The following ZNF280D variants were observed in gnomAD, a reference collection of about 807,000 sequenced individuals.
ZNF280D encodes suppressor of hairy wing homolog 4.
ZNF280D carries 39 observed loss-of-function variants against 94.7 expected under a neutral mutation model. The observed-to-expected ratio is 0.41, with a 90% CI of 0.32 to 0.54. The LOEUF (loss-of-function observed/expected upper bound fraction) is 0.54. ZNF280D is among the 20% of genes least tolerant of loss of function. The probability of loss-of-function intolerance (pLI) is 0.22; values close to 1 mark genes in which losing one functional copy is unlikely to be tolerated. For missense variants in ZNF280D, 1,090 were observed against 1,149.3 expected (o/e 0.95, Z 0.75); for synonymous variants, 398 against 377.6 (o/e 1.05, Z -0.63).
At chr15:56,648,845 T>G (rs531249055) in intron 19 of ZNF280D, among the ~76,000 whole-genome samples, 2 of 152,242 alleles carry the variant, frequency 1.3e-5, no homozygotes, top group Non-Finnish European at 2.9e-5. Flanking sequence ...ACAACAAATT[T>G]AGTATACCAT....
chr15:56,689,785 A>T lies in ZNF280D; in HGVS notation c.500-315T>A, dbSNP rs55920980. On this transcript the variant is annotated intron_variant, in intron 7 of 21. Coordinates refer to ENST00000267807, the MANE Select transcript of ZNF280D (RefSeq NM_017661.4). The stretch of plus-strand genomic sequence containing the variant: ...CAGACCAATATTCCAAGCCAAAAAA[A>T]AAAGTATACTATGAATAAGTTCTGA... Among the ~76,000 whole-genome samples the T allele has an allele frequency of 3.1e-3, 474 of 152,278 alleles. 4 individuals carry two copies. The highest frequency in any genetic ancestry group is 0.011 in the African/African-American group (450 of 41,584).
chr15:56,706,570 G>A (rs1340025280), intron 3 of ZNF280D, among the ~76,000 whole-genome samples: 1 of 152,038 alleles, frequency 6.6e-6, no homozygotes, highest in Non-Finnish European at 1.5e-5. Flanking sequence ...GCCCCCAGAA[G>A]AAATCAATCC....
chr15:56,653,519 G>A, intron 19 of ZNF280D: 1 of 1,520,524 alleles, frequency 6.6e-7, no homozygotes, highest in South Asian at 1.2e-5. Context: ...GAGAGAACAG[G>A]CATCAGTTGT....
intron 16 of ZNF280D, among the ~76,000 whole-genome samples, chr15:56,661,848 C>T (rs1218665468): frequency 6.6e-6 from 1 of 152,108 alleles, no homozygotes; most frequent in African/African-American, 2.4e-5. Flanking sequence ...TGTTATTAAG[C>T]ACTTTAATAC....
chr15:56,733,386 G>A (rs1257407753), intron 1 of ZNF280D, 72 bp downstream of exon 1: 2 of 913,064 alleles, frequency 2.2e-6, no homozygotes, highest in Non-Finnish European at 2.6e-6. Flanking sequence ...CCCGGAGTGA[G>A]GCGGCGCAGG....
rs367979978 is a variant in ZNF280D at position 56,631,728 on chromosome 15, C to G, written c.2710G>C (p.Glu904Gln). The part of the protein sequence containing the change: ...DQFLRKRHEP[E>Q]SVSSDVSEQG... ...TCGCTAACATCAGAACTAACAGATT[C>G]AGGTTCATGTCTTTTTCTCAAAAAC... Residue 904 changes from glutamate (E) to glutamine (Q), a missense_variant, in exon 22 of 22, where the codon GAA (glutamate) becomes CAA (glutamine). Coordinates refer to ENST00000267807, the MANE Select transcript of ZNF280D (RefSeq NM_017661.4). The G allele has an allele frequency of 1.3e-5, 21 of 1,614,036 alleles. 1 individual carries two copies. In the South Asian group the frequency reaches 2.2e-4, roughly 17 times the overall value.
chr15:56,639,069 T>A (rs2140525293), intron 20 of ZNF280D, among the ~76,000 whole-genome samples: 2 of 152,132 alleles, frequency 1.3e-5, no homozygotes, highest in African/African-American at 4.8e-5. Context: ...ATACAATATT[T>A]AATATCTCCA....
intron 14 of ZNF280D, among the ~76,000 whole-genome samples, chr15:56,667,495 T>G (rs1275614649): frequency 6.6e-6 from 1 of 152,206 alleles, no homozygotes; most frequent in African/African-American, 2.4e-5. Flanking sequence ...CATCAATTTA[T>G]TATACTGCAT....
chr15:56,721,688 G>C (rs1464708620), intron 1 of ZNF280D, among the ~76,000 whole-genome samples: 6 of 152,186 alleles, frequency 3.9e-5, no homozygotes, highest in Non-Finnish European at 8.8e-5. Flanking sequence ...AGCCTTCATA[G>C]ATCTGAAGAG....
chr15:56,680,947 G>C (rs770194523), intron 10 of ZNF280D, among the ~76,000 whole-genome samples: 3 of 152,190 alleles, frequency 2.0e-5, no homozygotes, highest in Admixed American at 6.5e-5. Context: ...CATGACATCA[G>C]AAATAGGTGG....
intron 6 of ZNF280D, among the ~76,000 whole-genome samples, chr15:56,693,683 A>G (rs569841655): frequency 6.6e-6 from 1 of 152,280 alleles, no homozygotes; most frequent in East Asian, 1.9e-4. Context: ...CCATATTTAC[A>G]TGACCAAAAA....
chr15:56,658,771 A>G (rs947422994), intron 16 of ZNF280D, among the ~76,000 whole-genome samples: 10 of 152,192 alleles, frequency 6.6e-5, no homozygotes, highest in African/African-American at 2.4e-4. Context: ...AGAAAATGTA[A>G]AGAACATCAA....
chr15:56,634,806 A>G (rs2140498903), intron 21 of ZNF280D, among the ~76,000 whole-genome samples: 1 of 152,230 alleles, frequency 6.6e-6, no homozygotes, highest in East Asian at 1.9e-4. Flanking sequence ...GTAGTCTTAT[A>G]GCTTTTTGAA....
chr15:56,726,034 G>A (rs2058616253), intron 1 of ZNF280D, among the ~76,000 whole-genome samples: 1 of 152,126 alleles, frequency 6.6e-6, no homozygotes, highest in Non-Finnish European at 1.5e-5. Context: ...TTGGCCTGAT[G>A]TGCCAGGGTT....
Position 56,668,866 on chromosome 15 carries a change from A to G in ZNF280D, c.1502T>C (p.Phe501Ser). The G allele has an allele frequency of 6.2e-7, 1 of 1,610,790 alleles. No individual in the cohort carries two copies. The change falls in exon 14 of 22, where the codon TTT (phenylalanine) becomes TCT (serine). Residue 501 changes from phenylalanine to serine, a missense_variant. Coordinates refer to ENST00000267807, the MANE Select transcript of ZNF280D (RefSeq NM_017661.4). ...MDHKTQHHRTFIKPKQLEGLP... is the reference protein window; with the variant it reads ...MDHKTQHHRTSIKPKQLEGLP... ...TCCTTCTAGTTGTTTAGGTTTTATA[A>G]ATGTTCGATGGTGTTGAGTCTTATG...
chr15:56,691,588 C>G (rs1269229620), intron 7 of ZNF280D, among the ~76,000 whole-genome samples: 1 of 152,108 alleles, frequency 6.6e-6, no homozygotes, highest in Non-Finnish European at 1.5e-5. Flanking sequence ...GCTCCCTACC[C>G]TCAACAGCTC....
At chr15:56,714,770 C>T (rs1049434108) in intron 1 of ZNF280D, among the ~76,000 whole-genome samples, 1 of 152,142 alleles carries the variant, frequency 6.6e-6, no homozygotes. Flanking sequence ...GAAGCCAAAA[C>T]AATTCTCCAA....
rs372028885 is a variant in ZNF280D, at chr15:56,641,240, T to G, written c.2259+1712A>C. The stretch of plus-strand genomic sequence containing the variant: ...ATACACTTTCAAAATTACCTTCAAT[T>G]GTTGTAAGCAAAGGGATAGGCCTTT... On this transcript the variant is annotated intron_variant, in intron 20 of 21. Transcript: ENST00000267807. Among the ~76,000 whole-genome samples the G allele has an allele frequency of 3.5e-4, 53 of 152,106 alleles. No homozygotes were observed. The South Asian group carries it at 9.1e-3, about 26-fold the overall frequency.
At chr15:56,643,141 CTG>C in intron 19 of ZNF280D, 144 bp from the exon 20 acceptor site, 1 of 469,994 alleles carries the variant, frequency 2.1e-6, no homozygotes, top group Non-Finnish European at 3.6e-6. Flanking sequence ...AAATTGACCT[CTG>C]TAAATGTTTT....
Sources: gnomAD v4.1 joint callset for allele counts (sites outside exome capture counted in the v4.1 genomes callset) on GRCh38, gnomAD v4.1.1 for gene constraint, MANE v1.5 for transcripts, NCBI Gene and HGNC (gene_info 2026-07-23, HGNC 2026-07-21) for gene names.